Variants in PTPRN2 observed in about 807,000 individuals in gnomAD.
The protein encoded by PTPRN2 is protein tyrosine phosphatase receptor type N2, also known as receptor-type tyrosine-protein phosphatase N2.
Under a neutral mutation model 118.8 loss-of-function variants are expected in PTPRN2, and 74 were observed. That is an observed-to-expected ratio of 0.62 (90% CI 0.52 to 0.76). PTPRN2 has a LOEUF of 0.76. Ranked by LOEUF, PTPRN2 falls within the 30% of genes least tolerant of loss-of-function variation. The pLI, the probability that PTPRN2 is intolerant of heterozygous loss-of-function variation, is 0.00. For synonymous variants in PTPRN2, 641 were observed against 608.0 expected, an observed-to-expected ratio of 1.05 and a Z score of -0.80; for missense variants, 1,481 against 1,394.4, an observed-to-expected ratio of 1.06 and a Z score of -0.99.
chr7:158,450,990 C>T (rs1002139127), intron 2 of PTPRN2, among the ~76,000 whole-genome samples: 4 of 152,234 alleles, frequency 2.6e-5, no homozygotes, highest in South Asian at 4.1e-4. Flanking sequence ...AGGAACTCCC[C>T]GCCCCACGTC....
chr7:157,793,305 A>AG (rs1437952427), intron 12 of PTPRN2, among the ~76,000 whole-genome samples: 1 of 152,222 alleles, frequency 6.6e-6, no homozygotes, highest in Non-Finnish European at 1.5e-5. Context: ...GAGATGGCAG[A>AG]GGTTGGTCTC....
chr7:158,026,064 G>C (rs2128879050), intron 11 of PTPRN2, among the ~76,000 whole-genome samples: 1 of 152,362 alleles, frequency 6.6e-6, no homozygotes, highest in Non-Finnish European at 1.5e-5. Flanking sequence ...GCCAAGCACG[G>C]CCCATGCCGG....
At chr7:158,424,516 C>T (rs895018569) in intron 2 of PTPRN2, among the ~76,000 whole-genome samples, 3 of 152,240 alleles carry the variant, frequency 2.0e-5, no homozygotes, top group Non-Finnish European at 4.4e-5. Context: ...CTCCCGATTC[C>T]TCTATTAACC....
chr7:158,369,649 G>A (rs370172201), intron 2 of PTPRN2, among the ~76,000 whole-genome samples: 3 of 152,102 alleles, frequency 2.0e-5, no homozygotes, highest in Admixed American at 6.6e-5. Flanking sequence ...GGATAAAAAC[G>A]TGAAAACATA....
At chr7:157,906,682 C>T (rs1455484766) in intron 11 of PTPRN2, among the ~76,000 whole-genome samples, 1 of 152,140 alleles carries the variant, frequency 6.6e-6, no homozygotes, top group Admixed American at 6.5e-5. Context: ...AAGCTTCTCA[C>T]TCACTACTGT....
intron 3 of PTPRN2, among the ~76,000 whole-genome samples, chr7:158,257,496 G>T (rs1447654090): frequency 1.3e-5 from 2 of 152,160 alleles, no homozygotes; most frequent in Non-Finnish European, 2.9e-5. Context: ...ATTCAATCTG[G>T]AACTCTGCTC....
In PTPRN2 at chr7:157,568,895, G is replaced by A. The variant is rs556736303; in HGVS notation, c.2902+7C>T. ...GCCGCAACAAAGCGGCAGTGTCTGT[G>A]TCTCACCTTTGGCCATCTTGTTGAG... On this transcript the variant is annotated splice_region_variant and intron_variant, in intron 21 of 22. Coordinates refer to ENST00000389418, the MANE Select transcript of PTPRN2 (RefSeq NM_002847.5). 310 of 1,550,712 alleles carry A rather than the reference G, an allele frequency of 2.0e-4. 2 individuals are homozygous for A. The South Asian group carries it at 3.3e-3, about 16-fold the overall frequency.
At chr7:157,873,448 C>T (rs55943913) in intron 12 of PTPRN2, among the ~76,000 whole-genome samples, 3,957 of 149,948 alleles carry the variant, frequency 0.026, 193 homozygotes, top group African/African-American at 0.092. Flanking sequence ...CTGCAAGGTC[C>T]GTCTCGCCGT....
At chr7:157,580,748 C>A (rs547364672) in intron 17 of PTPRN2, among the ~76,000 whole-genome samples, 7 of 128,310 alleles carry the variant, frequency 5.5e-5, no homozygotes, top group African/African-American at 1.2e-4. Context: ...ACCTGCACAC[C>A]CCAGCACCTG....
intron 4 of PTPRN2, 59 bp downstream of exon 4, chr7:158,205,110 AGT>A (rs1316787951): frequency 6.1e-5 from 79 of 1,299,560 alleles, no homozygotes; most frequent in Non-Finnish European, 8.6e-5. Flanking sequence ...ACAAATAATA[AGT>A]GTAATGGCTA....
At chr7:158,069,994 AG>A (rs751431056) in intron 11 of PTPRN2, among the ~76,000 whole-genome samples, 6 of 152,208 alleles carry the variant, frequency 3.9e-5, no homozygotes, top group Non-Finnish European at 5.9e-5. Flanking sequence ...AATAGCTGGG[AG>A]GGTGCTGTGA....
At chr7:158,030,747 C>G (rs897013611) in intron 11 of PTPRN2, 2 of 152,458 alleles carry the variant, frequency 1.3e-5, no homozygotes, top group Non-Finnish European at 2.9e-5. Context: ...CAGAGATGCA[C>G]GGCCCCGCTA....
At chr7:157,989,367 C>G (rs759071025) in intron 11 of PTPRN2, among the ~76,000 whole-genome samples, 1 of 151,926 alleles carries the variant, frequency 6.6e-6, no homozygotes, top group South Asian at 2.1e-4. Flanking sequence ...TGCAGTGAGC[C>G]GAGATTGCAC....
chr7:157,682,674 C>G (rs755258765), intron 13 of PTPRN2, 51 bp downstream of exon 13: 1 of 1,524,376 alleles, frequency 6.6e-7, no homozygotes, highest in Non-Finnish European at 9.1e-7. Context: ...CATCATCTGC[C>G]TGTTCAACAG....
chr7:157,614,299 G>C (rs150543991), intron 15 of PTPRN2, among the ~76,000 whole-genome samples: 13 of 152,130 alleles, frequency 8.5e-5, no homozygotes, highest in African/African-American at 2.7e-4. Context: ...GGAAACGGGG[G>C]TTCTGGAAGG....
chr7:158,105,033 T>C (rs1475128220), intron 10 of PTPRN2, among the ~76,000 whole-genome samples: 629 of 68,846 alleles, frequency 9.1e-3, no homozygotes, highest in Middle Eastern at 0.044. Flanking sequence ...CCAGCTCCAC[T>C]CTCAGCTCCT....
chr7:157,851,377 G>A (rs940672730), intron 12 of PTPRN2, among the ~76,000 whole-genome samples: 3 of 152,136 alleles, frequency 2.0e-5, no homozygotes, highest in Admixed American at 6.5e-5. Context: ...ATAAAAATGC[G>A]CTTTCTTTAA....
At chr7:158,470,797 C>G (rs747680176) in intron 2 of PTPRN2, among the ~76,000 whole-genome samples, 1 of 151,946 alleles carries the variant, frequency 6.6e-6, no homozygotes, top group Non-Finnish European at 1.5e-5. Context: ...AAATGCGTGA[C>G]CTTAGGTGTG....
intron 2 of PTPRN2, among the ~76,000 whole-genome samples, chr7:158,458,567 G>A (rs1024660209): frequency 2.6e-5 from 4 of 151,954 alleles, no homozygotes; most frequent in African/African-American, 9.7e-5. Flanking sequence ...CCACGAAGTC[G>A]ACCGCCGGAG....
Sources: allele counts gnomAD v4.1 joint callset (sites outside exome capture counted in the v4.1 genomes callset), GRCh38; gene constraint gnomAD v4.1.1; transcripts MANE v1.5; gene names NCBI Gene and HGNC (gene_info 2026-07-23, HGNC 2026-07-21).